Variants in SND1 observed in about 807,000 individuals in gnomAD.
SND1 encodes staphylococcal nuclease and tudor domain containing 1.
Under a neutral mutation model 121.7 loss-of-function variants are expected in SND1, and 38 were observed. The observed-to-expected ratio is 0.31, with a 90% confidence interval of 0.24 to 0.41. The LOEUF is 0.41. Among genes scored for constraint, SND1 ranks in the 10% least tolerant of loss-of-function variants. SND1 has a pLI of 1.00. For synonymous variants in SND1, 401 were observed against 447.4 expected, an observed-to-expected ratio of 0.90 and a Z score of 1.31; for missense variants, 868 against 1,184.6, an observed-to-expected ratio of 0.73 and a Z score of 3.92.
chr7:127,665,327 C>G (rs1393974901), intron 1 of SND1, among the ~76,000 whole-genome samples: 1 of 151,996 alleles, frequency 6.6e-6, no homozygotes, highest in African/African-American at 2.4e-5. Context: ...GCTGGGACTA[C>G]AGGCGCCCGC....
At chr7:127,678,417 C>T (rs941834886) in intron 1 of SND1, among the ~76,000 whole-genome samples, 54 of 152,128 alleles carry the variant, frequency 3.5e-4, no homozygotes, top group African/African-American at 1.3e-3. Flanking sequence ...TCGGGAGCAG[C>T]AACTTGTGCT....
At chr7:127,995,390 A>G (rs183779539) in intron 16 of SND1, among the ~76,000 whole-genome samples, 5 of 152,354 alleles carry the variant, frequency 3.3e-5, no homozygotes, top group African/African-American at 9.6e-5. Context: ...TCCCTGCCAC[A>G]CAGTCAAGGA....
chr7:128,004,829 G>A (rs960144524), intron 16 of SND1, among the ~76,000 whole-genome samples: 7 of 152,178 alleles, frequency 4.6e-5, no homozygotes, highest in East Asian at 1.9e-4. Flanking sequence ...GTCAGTATCC[G>A]TTTCACCCTA....
chr7:127,877,023 ACATT>A (rs1282710593), intron 12 of SND1, among the ~76,000 whole-genome samples: 4 of 152,176 alleles, frequency 2.6e-5, no homozygotes, highest in Non-Finnish European at 5.9e-5. Flanking sequence ...ACTTCAGCCA[ACATT>A]CATCATGTCC....
At chr7:127,852,966 A>G (rs1799199462) in intron 12 of SND1, among the ~76,000 whole-genome samples, 1 of 152,168 alleles carries the variant, frequency 6.6e-6, no homozygotes, top group Non-Finnish European at 1.5e-5. Context: ...GAACAACTTT[A>G]CTATTTGGGG....
chr7:128,028,669 G>C (rs767933794), intron 16 of SND1: 1 of 1,598,168 alleles, frequency 6.3e-7, no homozygotes, highest in Admixed American at 1.7e-5. Flanking sequence ...AGTTTTTTGG[G>C]GGAGGGGAGT....
At chr7:127,681,814 G>C (rs1022053191) in intron 1 of SND1, among the ~76,000 whole-genome samples, 1 of 151,930 alleles carries the variant, frequency 6.6e-6, no homozygotes, top group African/African-American at 2.4e-5. Context: ...ATTTGTATTG[G>C]GCCTTCTTTT....
At chr7:128,034,248 G>T (rs1792707347) in intron 16 of SND1, among the ~76,000 whole-genome samples, 9 of 152,196 alleles carry the variant, frequency 5.9e-5, no homozygotes, top group Admixed American at 5.9e-4. Context: ...TGTCAGAGAA[G>T]TAAGATGAAG....
chr7:127,732,428 G>A (rs985792670), intron 10 of SND1, among the ~76,000 whole-genome samples: 3 of 152,192 alleles, frequency 2.0e-5, no homozygotes, highest in African/African-American at 4.8e-5. Flanking sequence ...CCTTACAAAG[G>A]AGTATGTTGC....
chr7:128,066,105 C>T (rs1793309131), intron 16 of SND1, among the ~76,000 whole-genome samples: 1 of 152,186 alleles, frequency 6.6e-6, no homozygotes, highest in African/African-American at 2.4e-5. Context: ...TTTGCATTTC[C>T]CAGCAGACCC....
Position 127,841,112 on chromosome 7 carries a change from T to A in SND1, c.1243-3212T>A, listed in dbSNP as rs1172368021. Reference sequence around the variant, plus strand: ...CCTCCTATTATTACTCCCACACATGTGGCATAGTGAATTAGCCCTCTTGAT... The same window carrying A: ...CCTCCTATTATTACTCCCACACATGAGGCATAGTGAATTAGCCCTCTTGAT... On this transcript the variant is annotated intron_variant, in intron 11 of 23. Coordinates refer to ENST00000354725, the MANE Select transcript of SND1 (RefSeq NM_014390.4). 2.0e-5 allele frequency among the ~76,000 whole-genome samples: 3 copies of A among 152,214 alleles called. No individual in the cohort carries two copies. The East Asian group carries it at 5.8e-4, about 29-fold the overall frequency.
At chr7:127,702,119 A>G (rs940595149) in intron 5 of SND1, among the ~76,000 whole-genome samples, 1 of 152,124 alleles carries the variant, frequency 6.6e-6, no homozygotes, top group Admixed American at 6.6e-5. Context: ...TTAAGTTACT[A>G]ATTATTTTTT....
At chr7:127,705,582 CAGATGTAGATGT>C (rs869192058) in intron 8 of SND1, among the ~76,000 whole-genome samples, 15 of 18,446 alleles carry the variant, frequency 8.1e-4, no homozygotes, top group African/African-American at 1.2e-3. Context: ...GATGTAGATG[CAGATGTAGATGT>C]AGATGTAGAT....
chr7:127,669,294 G>A (rs1202913249), intron 1 of SND1, among the ~76,000 whole-genome samples: 5 of 151,946 alleles, frequency 3.3e-5, no homozygotes, highest in African/African-American at 9.7e-5. Flanking sequence ...CCTGGCCAGC[G>A]GTCCCCTTTT....
chr7:128,047,707 GT>G (rs1792973375), intron 16 of SND1, among the ~76,000 whole-genome samples: 1 of 152,164 alleles, frequency 6.6e-6, no homozygotes, highest in Non-Finnish European at 1.5e-5. Flanking sequence ...TTAGTTTGTG[GT>G]TTCCATTTTG....
At chr7:128,061,694 A>C (rs1370037880) in intron 16 of SND1, among the ~76,000 whole-genome samples, 1 of 152,274 alleles carries the variant, frequency 6.6e-6, no homozygotes, top group East Asian at 1.9e-4. Context: ...CACACAGAAG[A>C]GGGCATGGGC....
chr7:127,682,873 C>G (rs781175705), intron 1 of SND1, among the ~76,000 whole-genome samples: 1 of 152,184 alleles, frequency 6.6e-6, no homozygotes, highest in Non-Finnish European at 1.5e-5. Flanking sequence ...GAATTAATAA[C>G]TGAATAAATC....
chr7:127,923,918 C>T (rs980359933), intron 14 of SND1, among the ~76,000 whole-genome samples: 8 of 151,882 alleles, frequency 5.3e-5, no homozygotes, highest in African/African-American at 1.9e-4. Flanking sequence ...TCCTCTTGTT[C>T]ACAAGGATTT....
At position 127,869,626 on chromosome 7, in the gene SND1, C is replaced by T. The variant is rs141517515; in HGVS notation, c.1344-18276C>T. On this transcript the variant is annotated intron_variant, in intron 12 of 23. Coordinates refer to ENST00000354725, the MANE Select transcript of SND1 (RefSeq NM_014390.4). ...AGAGGGCCATCCCATGTACCTTTCA[C>T]CCAGTTTCCACCAGTGGTTAGATCT... Among the ~76,000 whole-genome samples the T allele has an allele frequency of 5.3e-4, 81 of 152,198 alleles. 3 individuals are homozygous for T. The East Asian group carries it at 0.014, about 27-fold the overall frequency.
Sources: allele counts gnomAD v4.1 joint callset (sites outside exome capture counted in the v4.1 genomes callset), GRCh38; gene constraint gnomAD v4.1.1; transcripts MANE v1.5; gene names NCBI Gene and HGNC (gene_info 2026-07-23, HGNC 2026-07-21).